MARCHF1: variants seen among roughly 807,000 people sequenced by gnomAD.
MARCHF1 encodes the protein membrane associated ring-CH-type finger 1.
In MARCHF1, 40 loss-of-function variants were observed where a neutral mutation model predicts 54.2. The observed-to-expected ratio is 0.74, with a 90% CI of 0.57 to 0.96. MARCHF1 has a LOEUF of 0.96. Ranked by LOEUF, MARCHF1 falls within the 40% of genes least tolerant of loss-of-function variation. The probability of loss-of-function intolerance (pLI) is 0.00; values close to 1 mark genes in which losing one functional copy is unlikely to be tolerated. For synonymous variants in MARCHF1, 236 were observed against 236.3 expected (o/e 1.00, Z 0.01); for missense variants, 586 against 656.5 (o/e 0.89, Z 1.17).
chr4:163,634,543 C>G (rs1214706365), intron 5 of MARCHF1, among the ~76,000 whole-genome samples: 1 of 151,660 alleles, frequency 6.6e-6, no homozygotes, highest in African/African-American at 2.4e-5. Context: ...ACAAGAAGAG[C>G]TAACTATCCT....
intron 1 of MARCHF1, among the ~76,000 whole-genome samples, chr4:164,299,434 A>G (rs1009354378): frequency 2.0e-5 from 3 of 152,194 alleles, no homozygotes; most frequent in African/African-American, 7.2e-5. Flanking sequence ...AATAAGATGG[A>G]AATTGAGAGA....
At chr4:164,033,620 G>C (rs1413965600) in intron 2 of MARCHF1, among the ~76,000 whole-genome samples, 1 of 152,144 alleles carries the variant, frequency 6.6e-6, no homozygotes, top group Non-Finnish European at 1.5e-5. Flanking sequence ...CAAAGTATAT[G>C]AACAGGCACT....
chr4:164,342,042 G>T (rs569925270), intron 1 of MARCHF1, among the ~76,000 whole-genome samples: 1 of 152,220 alleles, frequency 6.6e-6, no homozygotes, highest in Non-Finnish European at 1.5e-5. Context: ...GAAAATGTTT[G>T]CAAACCCCGT....
At chr4:164,008,872 AAAAGTTG>A (rs1055514091) in intron 2 of MARCHF1, among the ~76,000 whole-genome samples, 1 of 152,078 alleles carries the variant, frequency 6.6e-6, no homozygotes, top group African/African-American at 2.4e-5. Context: ...CCTATATCAA[AAAAGTTG>A]AAAGACTTCA....
At chr4:163,946,508 G>A (rs535919310) in intron 3 of MARCHF1, among the ~76,000 whole-genome samples, 3 of 152,140 alleles carry the variant, frequency 2.0e-5, no homozygotes, top group Non-Finnish European at 4.4e-5. Flanking sequence ...ATCAAGGTAA[G>A]AATAATATCC....
At chr4:163,634,145 C>G (rs1182537101) in intron 5 of MARCHF1, among the ~76,000 whole-genome samples, 2 of 152,104 alleles carry the variant, frequency 1.3e-5, no homozygotes, top group East Asian at 3.9e-4. Flanking sequence ...CAAAATCATG[C>G]CAAAATGTAA....
chr4:164,113,428 A>T (rs185678662), intron 1 of MARCHF1, among the ~76,000 whole-genome samples: 1 of 152,082 alleles, frequency 6.6e-6, no homozygotes, highest in Admixed American at 6.6e-5. Context: ...ATATGGCATG[A>T]AAGACAATAC....
chr4:164,147,675 G>A (rs1290476491), intron 1 of MARCHF1, among the ~76,000 whole-genome samples: 2 of 84,258 alleles, frequency 2.4e-5, no homozygotes, highest in African/African-American at 7.3e-5. Flanking sequence ...CCTGTTATGG[G>A]GTGGGGGGAG....
chr4:164,378,168 A>G (rs1473331712), intron 1 of MARCHF1, among the ~76,000 whole-genome samples: 2 of 152,188 alleles, frequency 1.3e-5, no homozygotes, highest in Non-Finnish European at 2.9e-5. Context: ...TTTCCCCGGG[A>G]TGAAGAGTGG....
chr4:163,781,180 G>A (rs1049559420), intron 4 of MARCHF1, among the ~76,000 whole-genome samples: 6 of 152,090 alleles, frequency 3.9e-5, no homozygotes, highest in Non-Finnish European at 5.9e-5. Context: ...ATGAAACCCC[G>A]TCTCTACTGA....
rs75724408 is a variant in MARCHF1, at chr4:163,592,498, C to T, written c.1011-6569G>A. On this transcript the variant is annotated intron_variant, in intron 7 of 9. Coordinates refer to ENST00000514618, the MANE Select transcript of MARCHF1 (RefSeq NM_001394959.1). ...CTATTCCTGGAGCTGATCCAAGAGT[C>T]GCAAGTAATCAGCCACATTTTTTTT... Among the ~76,000 whole-genome samples the T allele has an allele frequency of 6.7e-3, 1,018 of 151,888 alleles. 16 individuals are homozygous for T. Among genetic ancestry groups the T allele is most frequent in the African/African-American group, 0.023 (965 of 41,408 alleles).
intron 1 of MARCHF1, among the ~76,000 whole-genome samples, chr4:164,136,523 C>G (rs1289490091): frequency 6.6e-6 from 1 of 152,110 alleles, no homozygotes; most frequent in Non-Finnish European, 1.5e-5. Flanking sequence ...CTCAGCAGAG[C>G]CGATTGGCTG....
intron 7 of MARCHF1, among the ~76,000 whole-genome samples, chr4:163,590,256 A>T (rs774249489): frequency 7.6e-6 from 1 of 131,278 alleles, no homozygotes; most frequent in Non-Finnish European, 1.6e-5. Context: ...ACTCATCACT[A>T]AAAAAAAAAA....
intron 3 of MARCHF1, among the ~76,000 whole-genome samples, chr4:163,972,398 G>A (rs1752563999): frequency 6.6e-6 from 1 of 151,830 alleles, no homozygotes; most frequent in African/African-American, 2.4e-5. Context: ...AATTAGACAA[G>A]GGAAAGAATG....
intron 1 of MARCHF1, among the ~76,000 whole-genome samples, chr4:164,308,435 C>A (rs369968000): frequency 9.9e-5 from 15 of 151,984 alleles, no homozygotes; most frequent in East Asian, 3.9e-4. Flanking sequence ...AATCACACTC[C>A]CTGGAGTTAT....
chr4:163,765,815 G>A (rs924329024), intron 4 of MARCHF1, among the ~76,000 whole-genome samples: 8 of 125,646 alleles, frequency 6.4e-5, no homozygotes, highest in South Asian at 2.5e-4. Flanking sequence ...GTGATATACC[G>A]GATTATATAG....
At chr4:163,678,668 C>T (rs1370324304) in intron 5 of MARCHF1, among the ~76,000 whole-genome samples, 3 of 152,176 alleles carry the variant, frequency 2.0e-5, no homozygotes, top group Admixed American at 6.5e-5. Flanking sequence ...GCATTGAATA[C>T]TGTTCTCTTC....
intron 4 of MARCHF1, among the ~76,000 whole-genome samples, chr4:163,705,870 T>C (rs1346921432): frequency 6.6e-6 from 1 of 151,964 alleles, no homozygotes; most frequent in Non-Finnish European, 1.5e-5. Context: ...AAAGAAGCAA[T>C]ACAACACTCC....
intron 1 of MARCHF1, among the ~76,000 whole-genome samples, chr4:164,205,078 AT>A (rs1464252953): frequency 6.6e-6 from 1 of 152,114 alleles, no homozygotes; most frequent in Non-Finnish European, 1.5e-5. Context: ...CATTCCTTTG[AT>A]TTACTGAGTT....
Sources: gnomAD v4.1 joint callset for allele counts (sites outside exome capture counted in the v4.1 genomes callset) on GRCh38, gnomAD v4.1.1 for gene constraint, MANE v1.5 for transcripts, NCBI Gene and HGNC (gene_info 2026-07-23, HGNC 2026-07-21) for gene names.